The following PPP1R9A variants were observed in gnomAD, a reference collection of about 807,000 sequenced individuals.
The protein encoded by PPP1R9A is protein phosphatase 1 regulatory subunit 9A.
In PPP1R9A, 59 loss-of-function variants were observed where a neutral mutation model predicts 141.9. The ratio of observed to expected loss-of-function variants is 0.42; its 90% CI spans 0.34 to 0.52. The LOEUF is 0.52. PPP1R9A is among the 20% of genes least tolerant of loss of function. The pLI is 0.10. For synonymous variants in PPP1R9A, 500 were observed against 569.7 expected (o/e 0.88, Z 1.74); for missense variants, 1,444 against 1,611.9 (o/e 0.90, Z 1.78).
intron 2 of PPP1R9A, among the ~76,000 whole-genome samples, chr7:95,074,485 T>G (rs1415017901): frequency 6.6e-6 from 1 of 151,260 alleles, no homozygotes; most frequent in Non-Finnish European, 1.5e-5. Flanking sequence ...TTTTTGTTGT[T>G]TTTTTTGAGA....
intron 4 of PPP1R9A, among the ~76,000 whole-genome samples, chr7:95,142,577 G>A (rs894953192): frequency 6.6e-6 from 1 of 151,936 alleles, no homozygotes; most frequent in African/African-American, 2.4e-5. Flanking sequence ...TTTCCATATG[G>A]ATATTTAGTT....
chr7:95,129,118 A>G (rs921786530), intron 4 of PPP1R9A, among the ~76,000 whole-genome samples: 4 of 152,104 alleles, frequency 2.6e-5, no homozygotes, highest in Admixed American at 2.6e-4. Flanking sequence ...TCCTTTCTCC[A>G]TTGCTTATTT....
At chr7:95,217,357 G>A in intron 7 of PPP1R9A, among the ~76,000 whole-genome samples, 1 of 152,144 alleles carries the variant, frequency 6.6e-6, no homozygotes, top group East Asian at 1.9e-4. Context: ...ATGTGCTGCT[G>A]GATTTGGTTT....
chr7:94,968,826 G>A (rs1295649061), intron 2 of PPP1R9A, among the ~76,000 whole-genome samples: 1 of 151,928 alleles, frequency 6.6e-6, no homozygotes, highest in African/African-American at 2.4e-5. Context: ...TTTCTTGGAG[G>A]CTTTGTTTGT....
At chr7:95,192,554 A>G (rs1184615707) in intron 5 of PPP1R9A, among the ~76,000 whole-genome samples, 4 of 152,068 alleles carry the variant, frequency 2.6e-5, no homozygotes, top group Non-Finnish European at 4.4e-5. Flanking sequence ...GCTTACATTT[A>G]TTAAACACTC....
Position 94,968,084 on chromosome 7 carries a change from CTGGGTGCTCCTGTAG to C in PPP1R9A, c.1395+56584_1395+56598del, listed in dbSNP as rs373992166. Among the ~76,000 whole-genome samples, 636 of 152,294 alleles carry C rather than the reference CTGGGTGCTCCTGTAG, an allele frequency of 4.2e-3. 4 individuals are homozygous for C. The highest frequency in any genetic ancestry group is 0.015 in the African/African-American group (620 of 41,568). On this transcript the variant is annotated intron_variant, in intron 2 of 19. Coordinates refer to ENST00000433360, the MANE Select transcript of PPP1R9A (RefSeq NM_001166160.2). ...GTCTCTAAGAACTTGCTTTATGAAT[CTGGGTGCTCCTGTAG>C]TGGGTGCATGTGTTTTTAGGATAGT...
At chr7:95,256,320 A>G (rs940925052) in intron 12 of PPP1R9A, among the ~76,000 whole-genome samples, 4 of 152,190 alleles carry the variant, frequency 2.6e-5, no homozygotes, top group African/African-American at 9.6e-5. Flanking sequence ...TTGTTTTAAC[A>G]TTAGAAAACC....
intron 12 of PPP1R9A, among the ~76,000 whole-genome samples, chr7:95,266,460 T>G (rs996157081): frequency 6.6e-6 from 1 of 152,082 alleles, no homozygotes; most frequent in African/African-American, 2.4e-5. Flanking sequence ...CACCAAACTC[T>G]AATGGCATTA....
chr7:95,226,708 C>T (rs902075240), intron 8 of PPP1R9A, among the ~76,000 whole-genome samples: 3 of 152,152 alleles, frequency 2.0e-5, no homozygotes, highest in Non-Finnish European at 4.4e-5. Context: ...TACACCCTGA[C>T]TCTGCTTTCC....
intron 2 of PPP1R9A, chr7:95,036,134 G>A (rs976687953): frequency 8.5e-5 from 13 of 152,210 alleles, no homozygotes; most frequent in African/African-American, 2.6e-4. Flanking sequence ...ATTGCAATTA[G>A]CATTTTATTT....
At chr7:95,039,878 AT>A (rs1415770803) in intron 2 of PPP1R9A, among the ~76,000 whole-genome samples, 1 of 152,202 alleles carries the variant, frequency 6.6e-6, no homozygotes, top group Non-Finnish European at 1.5e-5. Context: ...TCTAAAATTA[AT>A]GACAGATAGA....
At chr7:95,046,366 T>C (rs1810013957) in intron 2 of PPP1R9A, among the ~76,000 whole-genome samples, 1 of 152,186 alleles carries the variant, frequency 6.6e-6, no homozygotes, top group Admixed American at 6.5e-5. Flanking sequence ...AAGGCTGTGA[T>C]TACCAGCATG....
chr7:95,234,264 A>G (rs1298001058), intron 8 of PPP1R9A, among the ~76,000 whole-genome samples: 1 of 152,222 alleles, frequency 6.6e-6, no homozygotes, highest in Non-Finnish European at 1.5e-5. Context: ...ATATGATTGT[A>G]TACCTAAAAA....
At chr7:95,288,049 T>C (rs1295538209) in intron 18 of PPP1R9A, among the ~76,000 whole-genome samples, 1 of 152,166 alleles carries the variant, frequency 6.6e-6, no homozygotes, top group East Asian at 1.9e-4. Context: ...CACAGTTTGC[T>C]TGCTGCTCAA....
intron 7 of PPP1R9A, among the ~76,000 whole-genome samples, chr7:95,217,096 C>T (rs1793570475): frequency 6.6e-6 from 1 of 152,136 alleles, no homozygotes. Context: ...ATGATATTGG[C>T]TGTGGGTTTG....
rs1355511725 is a variant in PPP1R9A at position 95,293,454 on chromosome 7, C to T, written c.*3151C>T. On this transcript the variant is annotated 3_prime_UTR_variant, in exon 20 of 20. Coordinates refer to ENST00000433360, the MANE Select transcript of PPP1R9A (RefSeq NM_001166160.2). Reference sequence around the variant, plus strand: ...TAGCTGGGATTGACAATTGATTTCACACCCTCAACATCACAAGCTTTTTTT... The same window carrying T: ...TAGCTGGGATTGACAATTGATTTCATACCCTCAACATCACAAGCTTTTTTT... The T allele has an allele frequency of 1.3e-5, 2 of 152,138 alleles. No homozygotes were observed. Among genetic ancestry groups the T allele is most frequent in the Admixed American group, 6.5e-5 (1 of 15,274 alleles). The allele number at this position is 152,138 out of a possible 1,614,324, so 9.4% of individuals were successfully genotyped here.
At chr7:95,285,371 G>C (rs968362906) in intron 17 of PPP1R9A, among the ~76,000 whole-genome samples, 5 of 152,202 alleles carry the variant, frequency 3.3e-5, no homozygotes, top group Non-Finnish European at 5.9e-5. Context: ...AACATTTTCA[G>C]TATTGGATCT....
intron 4 of PPP1R9A, among the ~76,000 whole-genome samples, chr7:95,147,040 A>G (rs1827756243): frequency 6.6e-6 from 1 of 152,190 alleles, no homozygotes; most frequent in African/African-American, 2.4e-5. Context: ...AAGAAAGTCA[A>G]TGGTAGCTTG....
At chr7:95,027,385 T>A (rs1326692756) in intron 2 of PPP1R9A, among the ~76,000 whole-genome samples, 1 of 152,138 alleles carries the variant, frequency 6.6e-6, no homozygotes, top group African/African-American at 2.4e-5. Context: ...TGCCCCACCC[T>A]GCTTCGGCTC....
Sources: gnomAD v4.1 joint callset for allele counts (sites outside exome capture counted in the v4.1 genomes callset) on GRCh38, gnomAD v4.1.1 for gene constraint, MANE v1.5 for transcripts, NCBI Gene and HGNC (gene_info 2026-07-23, HGNC 2026-07-21) for gene names.